Variants in RHOU observed in about 807,000 individuals in gnomAD.
RHOU encodes rho-related GTP-binding protein RhoU.
Under a neutral mutation model 12.6 loss-of-function variants are expected in RHOU, and 8 were observed. The observed-to-expected ratio is 0.64, with a 90% CI of 0.37 to 1.15. RHOU has a LOEUF of 1.15. Among genes scored for constraint, RHOU ranks in the 50% most tolerant of loss-of-function variants. The pLI is 0.01. For synonymous variants in RHOU, 161 were observed against 147.4 expected, an observed-to-expected ratio of 1.09 and a Z score of -0.67; for missense variants, 258 against 347.0, an observed-to-expected ratio of 0.74 and a Z score of 2.04.
the RHOU span, among the ~76,000 whole-genome samples, chr1:228,713,220 G>A: frequency 6.6e-6 from 1 of 152,094 alleles, no homozygotes; most frequent in Non-Finnish European, 1.5e-5. Context: ...TTAGAGAGTT[G>A]GGATTTTCAG....
chr1:228,728,899 CTTT>C, the RHOU span, among the ~76,000 whole-genome samples: 3 of 141,838 alleles, frequency 2.1e-5, no homozygotes, highest in Admixed American at 6.9e-5. Context: ...CTTTTCTTTT[CTTT>C]TTTTTTTTTT....
the RHOU span, among the ~76,000 whole-genome samples, chr1:228,667,532 C>T: frequency 2.3e-3 from 355 of 152,266 alleles, 2 homozygotes; most frequent in Middle Eastern, 0.024. Context: ...AGTTGCTTGG[C>T]CTGTGGGAGC....
the RHOU span, among the ~76,000 whole-genome samples, chr1:228,695,687 G>A: frequency 6.6e-6 from 1 of 152,198 alleles, no homozygotes; most frequent in Non-Finnish European, 1.5e-5. Flanking sequence ...CAGGTATGAC[G>A]GAAGGGGCAG....
the RHOU span, among the ~76,000 whole-genome samples, chr1:228,699,447 CAAAAAAAAAA>C: frequency 7.4e-5 from 3 of 40,582 alleles, no homozygotes; most frequent in African/African-American, 2.2e-4. Context: ...GAACCTGTCT[CAAAAAAAAAA>C]AAAAAAAAAA....
chr1:228,728,147 A>G, the RHOU span, among the ~76,000 whole-genome samples: 1 of 152,202 alleles, frequency 6.6e-6, no homozygotes, highest in African/African-American at 2.4e-5. Flanking sequence ...AGACCCAGAG[A>G]AGGGGATTTA....
At chr1:228,663,087 A>G in the RHOU span, among the ~76,000 whole-genome samples, 1 of 152,246 alleles carries the variant, frequency 6.6e-6, no homozygotes, top group Non-Finnish European at 1.5e-5. Flanking sequence ...AATAAAAAGA[A>G]TGATATTTTG....
At chr1:228,722,592 G>T in the RHOU span, among the ~76,000 whole-genome samples, 3 of 151,592 alleles carry the variant, frequency 2.0e-5, no homozygotes, top group East Asian at 5.8e-4. Context: ...TGATAAGTTC[G>T]GTTTGTCAGA....
In RHOU at chr1:228,735,681, G is replaced by T; in HGVS notation, c.-62G>T. On this transcript the variant is annotated 5_prime_UTR_variant, in exon 1 of 3. Coordinates refer to ENST00000366691, the MANE Select transcript of RHOU (RefSeq NM_021205.6). The surrounding 1 kb of genome is among the most constrained non-coding windows in gnomAD (Gnocchi z 8.1). ...CTCCTCCCTACCGCAACCCTCCGGG[G>T]CGGAGGGGCGGTCGGGCCGGGCCCT... The T allele has an allele frequency of 8.6e-7, 1 of 1,164,480 alleles. No individual in the cohort carries two copies. Among genetic ancestry groups the T allele is most frequent in the Non-Finnish European group, 1.1e-6 (1 of 941,436 alleles). 72.1% of individuals were successfully genotyped at this position (1,164,480 alleles called of 1,614,324 possible).
chr1:228,740,737 A>G (rs1042013335), intron 2 of RHOU, among the ~76,000 whole-genome samples: 2 of 152,238 alleles, frequency 1.3e-5, no homozygotes, highest in African/African-American at 2.4e-5. Flanking sequence ...AATCAACGTG[A>G]GCACAGATAG....
chr1:228,646,798 A>G, the RHOU span, among the ~76,000 whole-genome samples: 2 of 151,936 alleles, frequency 1.3e-5, no homozygotes, highest in Admixed American at 6.5e-5. Context: ...GGGTGCGCAG[A>G]CGCACGCACA....
chr1:228,699,315 G>T, the RHOU span, among the ~76,000 whole-genome samples: 81 of 151,224 alleles, frequency 5.4e-4, no homozygotes, highest in Non-Finnish European at 6.2e-4. Flanking sequence ...AGGGGTGGTG[G>T]TGTGTGCCTG....
At chr1:228,707,251 ATATAGTGT>A in the RHOU span, among the ~76,000 whole-genome samples, 407 of 96,574 alleles carry the variant, frequency 4.2e-3, 2 homozygotes, top group African/African-American at 0.012. Flanking sequence ...ATATATATAT[ATATAGTGT>A]GTGTGTGTGT....
the RHOU span, among the ~76,000 whole-genome samples, chr1:228,682,341 T>G: frequency 6.6e-6 from 1 of 152,220 alleles, no homozygotes; most frequent in African/African-American, 2.4e-5. Flanking sequence ...GACCCGGGTC[T>G]TCAGCACCAA....
chr1:228,672,260 CG>C, the RHOU span, among the ~76,000 whole-genome samples: 1 of 152,178 alleles, frequency 6.6e-6, no homozygotes, highest in Non-Finnish European at 1.5e-5. Context: ...CTCTGCCTCC[CG>C]GGTTCAAGCA....
chr1:228,656,656 A>G, the RHOU span, among the ~76,000 whole-genome samples: 1 of 152,220 alleles, frequency 6.6e-6, no homozygotes, highest in Admixed American at 6.5e-5. Flanking sequence ...TGCAATTCCT[A>G]TGGGAACCAC....
chr1:228,743,738 T>C lies in RHOU; in HGVS notation c.775T>C (p.Ter259ArgextTer29). 1 of 1,609,468 alleles carries C rather than the reference T, an allele frequency of 6.2e-7. No homozygotes were observed. Among genetic ancestry groups the C allele is most frequent in the Non-Finnish European group, 8.5e-7 (1 of 1,177,554 alleles). ...SWWKKYCCFV[*>R] The stretch of plus-strand genomic sequence containing the variant: ...GTGGAAGAAGTACTGCTGTTTCGTA[T>C]GATGCTGGCAAGACACCCAGAAAGG... Residue 259 changes from the stop codon to arginine, a stop_lost, in exon 3 of 3, where the codon TGA (stop) becomes CGA (arginine). Coordinates refer to ENST00000366691, the MANE Select transcript of RHOU (RefSeq NM_021205.6). This position sits in a 1 kb window ranked among gnomAD's most constrained non-coding sequence, Gnocchi z 5.1.
At chr1:228,647,376 G>C in the RHOU span, among the ~76,000 whole-genome samples, 3 of 152,324 alleles carry the variant, frequency 2.0e-5, no homozygotes, top group East Asian at 5.8e-4. Context: ...TACCGGGCGC[G>C]TCCGGAGGCC....
chr1:228,678,896 G>A, the RHOU span, among the ~76,000 whole-genome samples: 477 of 152,218 alleles, frequency 3.1e-3, 14 homozygotes, highest in Admixed American at 0.029. Context: ...GCAGACATGA[G>A]GGCTAGGCTA....
At chr1:228,733,828 C>A (rs1414039921), upstream of RHOU, among the ~76,000 whole-genome samples, 2 of 152,212 alleles carry the variant, frequency 1.3e-5, no homozygotes, top group Non-Finnish European at 2.9e-5. Context: ...GAACTGTAAA[C>A]CACATAAATA....
Sources: allele counts gnomAD v4.1 joint callset (sites outside exome capture counted in the v4.1 genomes callset), GRCh38; gene constraint gnomAD v4.1.1; non-coding constraint Gnocchi (gnomAD v3.1); transcripts MANE v1.5; gene names NCBI Gene and HGNC (gene_info 2026-07-23, HGNC 2026-07-21).